The following GALC variants were observed in gnomAD, a reference collection of about 807,000 sequenced individuals.
GALC encodes galactosylceramidase.
Under a neutral mutation model 91.8 loss-of-function variants are expected in GALC, and 77 were observed. That is an observed-to-expected ratio of 0.84 (90% CI 0.70 to 1.01). The LOEUF (loss-of-function observed/expected upper bound fraction) is 1.01, where lower values mean the gene tolerates loss of function less well. Ranked by LOEUF, GALC falls within the 50% of genes least tolerant of loss-of-function variation. The pLI, the probability that GALC is intolerant of heterozygous loss-of-function variation, is 0.00. For missense variants in GALC, 882 were observed against 855.9 expected, an observed-to-expected ratio of 1.03 and a Z score of -0.38; for synonymous variants, 357 against 306.7, an observed-to-expected ratio of 1.16 and a Z score of -1.71.
At chr14:87,988,998 A>G (rs1887085484) in intron 1 of GALC, among the ~76,000 whole-genome samples, 1 of 152,246 alleles carries the variant, frequency 6.6e-6, no homozygotes. Flanking sequence ...AATAATCTCC[A>G]GACCAGGCTG....
At chr14:87,953,819 T>C (rs988983323) in intron 10 of GALC, 20 of 1,608,132 alleles carry the variant, frequency 1.2e-5, no homozygotes, top group African/African-American at 5.4e-5. Flanking sequence ...AGAAGTATGA[T>C]TGTTTAGTCA....
chr14:87,951,766 T>C (rs543132378), intron 10 of GALC, among the ~76,000 whole-genome samples: 1 of 152,030 alleles, frequency 6.6e-6, no homozygotes, highest in Admixed American at 6.6e-5. Flanking sequence ...AAAAGAGAAA[T>C]TAGAATTTTC....
In GALC at chr14:87,934,888, A is replaced by G; in HGVS notation, c.1912-10T>C. ...CAGAGGTGAAATGACCCTAGAGTAGAAAGAAACACATTCCTTGAAACCATA... is the reference window on the plus strand; with the variant it reads ...CAGAGGTGAAATGACCCTAGAGTAGGAAGAAACACATTCCTTGAAACCATA... On this transcript the variant is annotated splice_polypyrimidine_tract_variant and intron_variant, in intron 16 of 16. Transcript: ENST00000261304. 6.3e-7 allele frequency: 1 copy of G among 1,581,516 alleles called. No homozygotes were observed. Among genetic ancestry groups the G allele is most frequent in the African/African-American group, 1.3e-5 (1 of 74,438 alleles).
intron 3 of GALC, chr14:87,987,822 T>C (rs1376123106): frequency 1.4e-5 from 3 of 212,232 alleles, no homozygotes; most frequent in Admixed American, 5.4e-5. Flanking sequence ...ATTAAAATCT[T>C]TCTAACTGCT....
At position 87,968,186 on chromosome 14, in the gene GALC, T is replaced by C; in HGVS notation, c.908+149A>G. 4.8e-6 allele frequency: 3 copies of C among 624,074 alleles called. No individual in the cohort carries two copies. The South Asian group carries it at 6.4e-5, about 13-fold the overall frequency. 38.7% of individuals were successfully genotyped at this position (624,074 alleles called of 1,614,324 possible). On this transcript the variant is annotated intron_variant, in intron 8 of 16. Coordinates refer to ENST00000261304, the MANE Select transcript of GALC (RefSeq NM_000153.4). The stretch of plus-strand genomic sequence containing the variant: ...TATAGAAAATTAGATATAGATTAGG[T>C]ATAGGTATACAAATAGATGACGCTA...
chr14:87,938,230 T>C (rs1884673769), intron 16 of GALC, among the ~76,000 whole-genome samples: 1 of 151,990 alleles, frequency 6.6e-6, no homozygotes, highest in Non-Finnish European at 1.5e-5. Context: ...AGCTATGTGC[T>C]AGTGAAGGGA....
At chr14:87,980,964 G>T (rs1263656427) in intron 6 of GALC, among the ~76,000 whole-genome samples, 1 of 152,198 alleles carries the variant, frequency 6.6e-6, no homozygotes, top group Non-Finnish European at 1.5e-5. Flanking sequence ...ACACGCATGT[G>T]CAAGTATCTT....
At position 87,934,015 on chromosome 14, in the gene GALC, C is replaced by T. The variant is rs1382000151; in HGVS notation, c.*717G>A. 11 of 1,534,228 alleles carry T rather than the reference C, an allele frequency of 7.2e-6. No homozygotes were observed. Among genetic ancestry groups the T allele is most frequent in the Non-Finnish European group, 8.7e-6 (10 of 1,145,914 alleles). ...TTCCAGCCACCTGGAAAAACGTTCA[C>T]AGAGAGTTATAGTGGTTACAAGACC... On this transcript the variant is annotated 3_prime_UTR_variant, in exon 17 of 17. Transcript: ENST00000261304.
chr14:87,941,524 C>T lies in GALC; in HGVS notation c.1705G>A (p.Glu569Lys), dbSNP rs200019401. The T allele has an allele frequency of 2.5e-6, 4 of 1,593,124 alleles. No homozygotes were observed. Among genetic ancestry groups the T allele is most frequent in the East Asian group, 2.2e-5 (1 of 44,698 alleles). ...AACACACCTCCTGTGTCAGGGGTCT[C>T]TATGTATACATCACACTTTATAGTC... The part of the protein sequence containing the change: ...NLTIKCDVYI[E>K]TPDTGGVFIA... The change falls in exon 15 of 17, where the codon GAG becomes AAG. Residue 569 changes from glutamate (E) to lysine (K), a missense_variant. Glu to Lys is a moderately conservative substitution (Grantham distance 56). Transcript: ENST00000261304.
In GALC at chr14:87,934,248, G is replaced by T; in HGVS notation, c.*484C>A. ...AGCATAAAGCATAACAGGTTGAAGT[G>T]GTTTTCAAAAAGCTACTTCTAGTGT... On this transcript the variant is annotated 3_prime_UTR_variant, in exon 17 of 17. Coordinates refer to ENST00000261304, the MANE Select transcript of GALC (RefSeq NM_000153.4). 1 of 1,341,370 alleles carries T rather than the reference G, an allele frequency of 7.5e-7. No individual in the cohort carries two copies. Among genetic ancestry groups the T allele is most frequent in the Admixed American group, 3.2e-5 (1 of 30,952 alleles). The allele number at this position is 1,341,370 out of a possible 1,614,324, so 83.1% of individuals were successfully genotyped here. A position where few individuals can be genotyped will look rare whatever the true frequency, so the allele number is the denominator to read the frequency against.
chr14:87,953,228 T>C, intron 10 of GALC: 1 of 1,503,790 alleles, frequency 6.6e-7, no homozygotes, highest in Non-Finnish European at 9.2e-7. Flanking sequence ...CTCTGTATAA[T>C]TACCTCCAGC....
chr14:87,993,249 A>ACGC (rs1887316999), upstream of GALC: 4 of 1,541,920 alleles, frequency 2.6e-6, no homozygotes, highest in African/African-American at 4.1e-5. Context: ...GCTGATGCTG[A>ACGC]CGCCGCCGCC....
At chr14:87,967,030 T>C (rs1177698123) in intron 8 of GALC, among the ~76,000 whole-genome samples, 1 of 152,170 alleles carries the variant, frequency 6.6e-6, no homozygotes, top group African/African-American at 2.4e-5. Flanking sequence ...TCTGGGCAGC[T>C]GCCAAGGAGA....
chr14:87,953,980 C>T, intron 10 of GALC: 2 of 1,609,098 alleles, frequency 1.2e-6, no homozygotes, highest in Non-Finnish European at 1.7e-6. Context: ...TGGGCATATA[C>T]AGTGTTTCTT....
At chr14:87,976,137 G>A (rs1470890093) in intron 7 of GALC, among the ~76,000 whole-genome samples, 1 of 152,078 alleles carries the variant, frequency 6.6e-6, no homozygotes, top group East Asian at 1.9e-4. Context: ...ACATCAACAT[G>A]CTTTTTAAAA....
At position 87,947,897 on chromosome 14, in the gene GALC, C is replaced by T. The variant is rs1804602389; in HGVS notation, c.1339-19G>A. The T allele has an allele frequency of 6.2e-7, 1 of 1,609,632 alleles. No homozygotes were observed. The highest frequency in any genetic ancestry group is 1.3e-5 in the African/African-American group (1 of 74,714). ...CAAGGAGCTGAAAAAGAAGACACTA[C>T]TGTATTCAGGACCAGGTACTATAGC... On this transcript the variant is annotated intron_variant, in intron 12 of 16. Coordinates refer to ENST00000261304, the MANE Select transcript of GALC (RefSeq NM_000153.4).
chr14:87,965,399 C>G, intron 9 of GALC, 106 bp downstream of exon 9: 1 of 1,279,836 alleles, frequency 7.8e-7, no homozygotes. Context: ...TAAATCTATA[C>G]TTAAAACACG....
intron 4 of GALC, among the ~76,000 whole-genome samples, chr14:87,986,097 G>A (rs8012190): frequency 0.67 from 101,804 of 152,078 alleles, 34,674 homozygotes; most frequent in East Asian, 0.92. Flanking sequence ...TGTGAACAGT[G>A]TTACCCTTTT....
chr14:87,974,045 T>C (rs1474956674), intron 7 of GALC, among the ~76,000 whole-genome samples: 1 of 152,178 alleles, frequency 6.6e-6, no homozygotes, highest in African/African-American at 2.4e-5. Context: ...CTTGTATTAG[T>C]ACATGGATAG....
Sources: gnomAD v4.1 joint callset for allele counts (sites outside exome capture counted in the v4.1 genomes callset) on GRCh38, gnomAD v4.1.1 for gene constraint, MANE v1.5 for transcripts, NCBI Gene and HGNC (gene_info 2026-07-23, HGNC 2026-07-21) for gene names.